The following SPON2 variants were observed in gnomAD, a reference collection of about 807,000 sequenced individuals.
The protein encoded by SPON2 is spondin-2.
In SPON2, 32 loss-of-function variants were observed where a neutral mutation model predicts 29.9. The ratio of observed to expected loss-of-function variants is 1.07; its 90% CI spans 0.81 to 1.44. The LOEUF is 1.44. SPON2 is among the 40% of genes most tolerant of loss of function. The probability of loss-of-function intolerance (pLI) is 0.00; values close to 1 mark genes in which losing one functional copy is unlikely to be tolerated. For missense variants in SPON2, 541 were observed against 455.5 expected (o/e 1.19, Z -1.71); for synonymous variants, 248 against 209.1 (o/e 1.19, Z -1.61).
rs1727424017 is a variant in SPON2, at chr4:1,171,108, C to A, written c.527G>T (p.Trp176Leu). The A allele has an allele frequency of 6.4e-7, 1 of 1,551,056 alleles. No homozygotes were observed. The highest frequency in any genetic ancestry group is 1.4e-5 in the African/African-American group (1 of 73,102). ...DSLDLCDGDR[W>L]REQAALDLYP... ...CAGGTCCAGCGCCGCCTGTTCCCGC[C>A]AACGGTCCCCGTCGCACAGGTCCAG... is the stretch of plus-strand genomic sequence containing the variant. The change falls in exon 4 of 6, where the codon TGG becomes TTG. Residue 176 changes from tryptophan to leucine, a missense_variant. Coordinates refer to ENST00000290902, the MANE Select transcript of SPON2 (RefSeq NM_012445.4).
chr4:1,167,548 A>G lies in SPON2; in HGVS notation c.920T>C (p.Val307Ala), dbSNP rs1577894512. ...GGGGCTCCCGTTGTTGGCGGGCTGG[A>G]CCCGGACGTAGCGAGTCCTGCTCTT... ...GTKSRTRYVR[V>A]QPANNGSPCP... Residue 307 changes from valine (V) to alanine (A), a missense_variant, in exon 6 of 6, where the codon GTC becomes GCC. Val to Ala is a moderately conservative substitution (Grantham distance 64). Transcript: ENST00000290902. The G allele has an allele frequency of 1.9e-6, 3 of 1,613,594 alleles. No homozygotes were observed. Among genetic ancestry groups the G allele is most frequent in the Non-Finnish European group, 2.5e-6 (3 of 1,180,002 alleles).
upstream of SPON2, among the ~76,000 whole-genome samples, chr4:1,176,799 A>G (rs113727613): frequency 0.025 from 3,760 of 151,704 alleles, 46 homozygotes; most frequent in Non-Finnish European, 0.041. Flanking sequence ...CATACAGTAC[A>G]TTCATGCAAT....
At chr4:1,172,271 C>T (rs931341494) in intron 1 of SPON2, 197 bp from the exon 2 acceptor site, 5 of 602,738 alleles carry the variant, frequency 8.3e-6, no homozygotes, top group African/African-American at 5.6e-5. Context: ...TTAGATCGCC[C>T]GTGCGCCTGC....
chr4:1,201,894 C>T (rs536807016), intron 1 of SPON2, among the ~76,000 whole-genome samples: 3 of 152,326 alleles, frequency 2.0e-5, no homozygotes, highest in African/African-American at 7.2e-5. Context: ...GTGCTGCCTT[C>T]TTGAGCCGTG....
chr4:1,206,412 G>A (rs1033030163), intron 1 of SPON2, among the ~76,000 whole-genome samples: 1 of 152,256 alleles, frequency 6.6e-6, no homozygotes, highest in Admixed American at 6.5e-5. Context: ...TGCCAGGGCA[G>A]GGGGAGGCCG....
At chr4:1,186,084 A>T (rs1421449207) in intron 1 of SPON2, among the ~76,000 whole-genome samples, 4 of 135,598 alleles carry the variant, frequency 2.9e-5, no homozygotes, top group Non-Finnish European at 6.7e-5. Flanking sequence ...CTCTACTAAA[A>T]ATACAAAAAA....
exon 1 of SPON2, chr4:1,195,066 T>C (rs182059774): frequency 2.7e-4 from 6 of 21,932 alleles, no homozygotes; most frequent in South Asian, 1.8e-3. Context: ...GCAGCCGGCG[T>C]CTCCAACCCC....
chr4:1,190,029 G>C (rs1012237235), intron 1 of SPON2, among the ~76,000 whole-genome samples: 2 of 148,318 alleles, frequency 1.3e-5, no homozygotes, highest in East Asian at 3.9e-4. Flanking sequence ...AAAAGATCAA[G>C]AAAATTGAAT....
At chr4:1,170,601 G>C (rs1032758060) in intron 4 of SPON2, 25 bp from the exon 5 acceptor site, 1 of 1,596,240 alleles carries the variant, frequency 6.3e-7, no homozygotes, top group African/African-American at 1.3e-5. Context: ...GAGGAGGTTG[G>C]CCTGGGGTCC....
At chr4:1,196,837 C>T (rs1254185020), upstream of SPON2, 2 of 152,240 alleles carry the variant, frequency 1.3e-5, no homozygotes, top group East Asian at 1.9e-4. Context: ...GTCATCCATA[C>T]TCATTATCCA....
At chr4:1,191,513 C>T (rs1309118117) in intron 1 of SPON2, among the ~76,000 whole-genome samples, 1 of 152,156 alleles carries the variant, frequency 6.6e-6, no homozygotes, top group Non-Finnish European at 1.5e-5. Context: ...AGTTTTGGCC[C>T]ACAGGAGTAG....
chr4:1,185,987 G>A lies in SPON2; in HGVS notation c.-238-6446C>T, dbSNP rs1353627502. 9.2e-5 allele frequency among the ~76,000 whole-genome samples: 14 copies of A among 151,932 alleles called. No homozygotes were observed. In the East Asian group the frequency reaches 9.8e-4, roughly 11 times the overall value. On this transcript the variant is annotated intron_variant, in intron 1 of 3. Coordinates refer to the SPON2 transcript ENST00000502483. ...TGGCCGGGCGTGGTGGCTCACGCCT[G>A]TAATCCCAGCACTTTGGGAGGCCGA... is the stretch of plus-strand genomic sequence containing the variant.
At chr4:1,198,618 A>G (rs561785484), upstream of SPON2, among the ~76,000 whole-genome samples, 9 of 152,190 alleles carry the variant, frequency 5.9e-5, no homozygotes, top group South Asian at 1.9e-3. Context: ...GAACCAACGC[A>G]GCGTCGGCGG....
upstream of SPON2, among the ~76,000 whole-genome samples, chr4:1,196,498 G>A (rs571645226): frequency 4.6e-5 from 7 of 152,310 alleles, no homozygotes; most frequent in African/African-American, 1.7e-4. Flanking sequence ...CAGAGCAGAG[G>A]CCACTGCGGT....
At chr4:1,193,831 AAGGACGTGGG>A (rs1727972459) in intron 1 of SPON2, among the ~76,000 whole-genome samples, 2 of 45,642 alleles carry the variant, frequency 4.4e-5, no homozygotes. Context: ...GTGGCGTGGG[AAGGACGTGGG>A]GGGGCAGCGT....
At position 1,167,351 on chromosome 4, in the gene SPON2, C is replaced by G; in HGVS notation, c.*121G>C. ...AGTGCAGAGATGGTCGGCGCGGCCT[C>G]ACCGCGGTCAGGAGCAGCGCGAAAC... On this transcript the variant is annotated 3_prime_UTR_variant, in exon 6 of 6. Coordinates refer to ENST00000290902, the MANE Select transcript of SPON2 (RefSeq NM_012445.4). 1 of 1,078,062 alleles carries G rather than the reference C, an allele frequency of 9.3e-7. No homozygotes were observed. Among genetic ancestry groups the G allele is most frequent in the Non-Finnish European group, 1.3e-6 (1 of 750,784 alleles). 66.8% of individuals were successfully genotyped at this position (1,078,062 alleles called of 1,614,324 possible).
At chr4:1,186,243 C>CA (rs1269849796) in intron 1 of SPON2, among the ~76,000 whole-genome samples, 3,419 of 61,340 alleles carry the variant, frequency 0.056, 147 homozygotes, top group East Asian at 0.19. Context: ...GACTCCGTCT[C>CA]AAAAAAAAAA....
rs922697 is a variant in SPON2 at position 1,171,953 on chromosome 4, A to G, written c.119T>C (p.Leu40Pro). ...CGTGAAGGTGATGCTGTATTTGGCC[A>G]GGGCTCTGGCGGAACAGATGGACTC... ...GGESICSARA[L>P]AKYSITFTGK... Residue 40 changes from leucine to proline, a missense_variant, in exon 2 of 6, where the codon CTG (leucine) becomes CCG (proline). Coordinates refer to ENST00000290902, the MANE Select transcript of SPON2 (RefSeq NM_012445.4). 0.99 allele frequency: 1,599,460 copies of G among 1,612,886 alleles called. 793,853 individuals carry two copies. Among genetic ancestry groups the G allele is most frequent in the East Asian group, 1 (44,849 of 44,850 alleles).
chr4:1,207,250 C>T (rs112792900), intron 1 of SPON2, among the ~76,000 whole-genome samples: 5 of 152,262 alleles, frequency 3.3e-5, no homozygotes, highest in East Asian at 1.9e-4. Context: ...GAGGCCTAGA[C>T]GCCTGTAGGG....
Sources: allele counts gnomAD v4.1 joint callset (sites outside exome capture counted in the v4.1 genomes callset), GRCh38; gene constraint gnomAD v4.1.1; transcripts MANE v1.5; gene names NCBI Gene and HGNC (gene_info 2026-07-23, HGNC 2026-07-21).